DENND4B: variants seen among roughly 807,000 people sequenced by gnomAD.
DENND4B encodes DENN domain-containing protein 4B.
A neutral mutation model predicts 161.0 loss-of-function variants in DENND4B; 67 were observed. The observed-to-expected ratio is 0.42, with a 90% CI of 0.34 to 0.51. The LOEUF (loss-of-function observed/expected upper bound fraction) is 0.51. DENND4B is among the 20% of genes least tolerant of loss of function. The pLI is 0.08. For synonymous variants in DENND4B, 753 were observed against 813.8 expected (o/e 0.93, Z 1.27); for missense variants, 1,481 against 1,968.0 (o/e 0.75, Z 4.68).
chr1:153,935,912 C>T lies in DENND4B; in HGVS notation c.2568+148G>A, dbSNP rs1051329855. The T allele has an allele frequency of 3.7e-5, 37 of 1,001,240 alleles. No individual in the cohort carries two copies. In the African/African-American group the frequency reaches 6.0e-4, roughly 16 times the overall value. 62.0% of individuals were successfully genotyped at this position (1,001,240 alleles called of 1,614,324 possible). On this transcript the variant is annotated intron_variant, in intron 17 of 27. Transcript: ENST00000361217. The stretch of plus-strand genomic sequence containing the variant: ...CTGAGAAACTGTAGGTGCTAAGGCA[C>T]CACAGGAGTGCAATGTGGATGACAG...
At position 153,936,467 on chromosome 1, in the gene DENND4B, T is replaced by C; in HGVS notation, c.2439+75A>G. 2 of 1,437,090 alleles carry C rather than the reference T, an allele frequency of 1.4e-6. No individual in the cohort carries two copies. The highest frequency in any genetic ancestry group is 1.9e-6 in the Non-Finnish European group (2 of 1,077,032). The allele number at this position is 1,437,090 out of a possible 1,614,324, so 89.0% of individuals were successfully genotyped here. A position where few individuals can be genotyped will look rare whatever the true frequency, so the allele number is the denominator to read the frequency against. ...TTCTTTCCTTAGTCTCCACCAAGTTTCCCTCTCACAGCCCTCTCCAGCTGC... is the reference window on the plus strand; with the variant it reads ...TTCTTTCCTTAGTCTCCACCAAGTTCCCCTCTCACAGCCCTCTCCAGCTGC... On this transcript the variant is annotated intron_variant, in intron 16 of 27. Transcript: ENST00000361217. This position sits in a 1 kb window ranked among gnomAD's most constrained non-coding sequence, Gnocchi z 4.1.
At position 153,942,684 on chromosome 1, in the gene DENND4B, C is replaced by T; in HGVS notation, c.571-59G>A. On this transcript the variant is annotated intron_variant, in intron 3 of 27. Coordinates refer to ENST00000361217, the MANE Select transcript of DENND4B (RefSeq NM_014856.3). This position sits in a 1 kb window ranked among gnomAD's most constrained non-coding sequence, Gnocchi z 6.9. The stretch of plus-strand genomic sequence containing the variant: ...ATAGCTAACAAAGGTTTCTGGGGTC[C>T]ACTTTCTCTCTACCACCCCTAAATG... 1 of 1,509,312 alleles carries T rather than the reference C, an allele frequency of 6.6e-7. No individual in the cohort carries two copies. The highest frequency in any genetic ancestry group is 1.3e-5 in the South Asian group (1 of 76,106). 93.5% of individuals were successfully genotyped at this position (1,509,312 alleles called of 1,614,324 possible).
At position 153,932,027 on chromosome 1, in the gene DENND4B, G is replaced by C; in HGVS notation, c.3996+177C>G. The C allele has an allele frequency of 1.7e-6, 1 of 590,668 alleles. No homozygotes were observed. 36.6% of individuals were successfully genotyped at this position (590,668 alleles called of 1,614,324 possible). ...TCTCCCAGTTGGTCAGGCTGGTCTC[G>C]AACTCCTGACCTCAGGTGATTCGCC... On this transcript the variant is annotated intron_variant, in intron 24 of 27. Transcript: ENST00000361217. The surrounding 1 kb of genome is among the most constrained non-coding windows in gnomAD (Gnocchi z 5.8).
Position 153,940,643 on chromosome 1 carries a change from G to T in DENND4B, c.1327-37C>A, listed in dbSNP as rs1386737930. On this transcript the variant is annotated intron_variant, in intron 9 of 27. Coordinates refer to ENST00000361217, the MANE Select transcript of DENND4B (RefSeq NM_014856.3). This position sits in a 1 kb window ranked among gnomAD's most constrained non-coding sequence, Gnocchi z 5.6. ...GGCAGTGAGAACCAGTGAACAGGGG[G>T]TTGAGGCAGCAGTGGGAGGCACAGG... 6.3e-7 allele frequency: 1 copy of T among 1,599,460 alleles called. No homozygotes were observed. Among genetic ancestry groups the T allele is most frequent in the South Asian group, 1.1e-5 (1 of 88,956 alleles).
chr1:153,944,195 T>A lies in DENND4B; in HGVS notation c.180A>T (p.Glu60Asp). 1 of 1,611,652 alleles carries A rather than the reference T, an allele frequency of 6.2e-7. No individual in the cohort carries two copies. The highest frequency in any genetic ancestry group is 8.5e-7 in the Non-Finnish European group (1 of 1,178,870). The change falls in exon 2 of 28, where the codon GAA (glutamate) becomes GAT (aspartate). Residue 60 changes from glutamate (E) to aspartate (D), a missense_variant. By Grantham distance (45) the Glu-to-Asp change is conservative. Coordinates refer to ENST00000361217, the MANE Select transcript of DENND4B (RefSeq NM_014856.3). This position sits in a 1 kb window ranked among gnomAD's most constrained non-coding sequence, Gnocchi z 4.8. ...VAVIARALGE[E>D]VPQGYTCIQA... The stretch of plus-strand genomic sequence containing the variant: ...GGATGCATGTGTAGCCCTGGGGCAC[T>A]TCCTCGCCCAGTGCCCTAGCGATGA...
chr1:153,939,796 C>T lies in DENND4B; in HGVS notation c.1612G>A (p.Gly538Arg). 3 of 1,613,758 alleles carry T rather than the reference C, an allele frequency of 1.9e-6. No individual in the cohort carries two copies. The highest frequency in any genetic ancestry group is 2.5e-6 in the Non-Finnish European group (3 of 1,179,848). The change falls in exon 12 of 28, where the codon GGA becomes AGA. Residue 538 changes from glycine (G) to arginine (R), a missense_variant. By Grantham distance (125) the Gly-to-Arg change is moderately radical (BLOSUM62 -2). Around this residue, in one of 3 missense-constraint regions of DENND4B, gnomAD observed 806 missense variants for 1,134.4 expected, o/e 0.71. Transcript: ENST00000361217. Reference sequence around the variant, plus strand: ...TCCAGGGATGCTTCCTCCTCAGGTCCAGTGTATGCTGGAGGCCAGGGCAGC... The same window carrying T: ...TCCAGGGATGCTTCCTCCTCAGGTCTAGTGTATGCTGGAGGCCAGGGCAGC... ...LYQQLDQTYTGPEEEASLEFL... is the reference protein window; with the variant it reads ...LYQQLDQTYTRPEEEASLEFL...
Position 153,935,988 on chromosome 1 carries a change from G to A in DENND4B, c.2568+72C>T, listed in dbSNP as rs1679310234. The A allele has an allele frequency of 3.8e-6, 6 of 1,577,654 alleles. No individual in the cohort carries two copies. The African/African-American group carries it at 4.0e-5, about 11-fold the overall frequency. ...ACCAGCCCAATCTCCAAGGAGCGAGGGGAGCAGCAGCAGCCTCCCCTCACA... is the reference window on the plus strand; with the variant it reads ...ACCAGCCCAATCTCCAAGGAGCGAGAGGAGCAGCAGCAGCCTCCCCTCACA... On this transcript the variant is annotated intron_variant, in intron 17 of 27. Transcript: ENST00000361217.
In DENND4B at chr1:153,933,396, G is replaced by A; in HGVS notation, c.3331-77C>T. On this transcript the variant is annotated intron_variant, in intron 20 of 27. Coordinates refer to ENST00000361217, the MANE Select transcript of DENND4B (RefSeq NM_014856.3). This position sits in a 1 kb window ranked among gnomAD's most constrained non-coding sequence, Gnocchi z 5.7. ...GGATATGTGTTTCAAGCACCCCTCA[G>A]AGCCCCCTTTTTGAGCATTCTTCCA... 1 of 1,608,100 alleles carries A rather than the reference G, an allele frequency of 6.2e-7. No homozygotes were observed. Among genetic ancestry groups the A allele is most frequent in the Non-Finnish European group, 8.5e-7 (1 of 1,177,180 alleles).
Position 153,942,573 on chromosome 1 carries a change from G to T in DENND4B, c.623C>A (p.Thr208Lys). Reference sequence around the variant, plus strand: ...CCACTCACCTGCCTCGTACACCAGCGTGTTGGCCTTCGCCAGGCCCACCTT... The same window carrying T: ...CCACTCACCTGCCTCGTACACCAGCTTGTTGGCCTTCGCCAGGCCCACCTT... The part of the protein sequence containing the change: ...CYKVGLAKAN[T>K]LVYEAELLGR... The change falls in exon 4 of 28, where the codon ACG becomes AAG. Residue 208 changes from threonine (T) to lysine (K), a missense_variant. Around this residue, in one of 3 missense-constraint regions of DENND4B, gnomAD observed 806 missense variants for 1,134.4 expected, o/e 0.71. Transcript: ENST00000361217. This position sits in a 1 kb window ranked among gnomAD's most constrained non-coding sequence, Gnocchi z 6.9. The T allele has an allele frequency of 6.3e-7, 1 of 1,598,242 alleles. No individual in the cohort carries two copies.
At chr1:153,941,775 G>GGCGGGC in intron 6 of DENND4B, 94 bp downstream of exon 6, 2 of 1,338,172 alleles carry the variant, frequency 1.5e-6, no homozygotes, top group Non-Finnish European at 2.1e-6. Flanking sequence ...CCTGTGCCCA[G>GGCGGGC]CCCTCCCCCC....
intron 8 of DENND4B, 31 bp downstream of exon 8, chr1:153,941,200 A>G: frequency 6.2e-7 from 1 of 1,612,442 alleles, no homozygotes; most frequent in Middle Eastern, 1.7e-4. Context: ...TTGGTCATTA[A>G]AGCTCCCCTC....
At chr1:153,941,099 C>T (rs1679638937) in intron 8 of DENND4B, 51 bp from the exon 9 acceptor site, 3 of 1,557,824 alleles carry the variant, frequency 1.9e-6, no homozygotes, top group Non-Finnish European at 1.7e-6. Context: ...CCCTGGGGAC[C>T]CTTCCCCAGA....
At position 153,933,841 on chromosome 1, in the gene DENND4B, C is replaced by T. The variant is rs778362976; in HGVS notation, c.2972G>A (p.Arg991Gln). ...MIEALGVLEP[R>Q]GSPVPWHDGS... ...ATCGTGCCAGGGCACAGGTGATCCCCGGGGTTCCAGGACCCCCAAGGCCTC... is the reference window on the plus strand; with the variant it reads ...ATCGTGCCAGGGCACAGGTGATCCCTGGGGTTCCAGGACCCCCAAGGCCTC... Residue 991 changes from arginine to glutamine, a missense_variant, in exon 20 of 28, where the codon CGG becomes CAG. Arg to Gln is a conservative substitution (Grantham distance 43). Around this residue, in one of 3 missense-constraint regions of DENND4B, gnomAD observed 339 missense variants for 330.3 expected, o/e 1.03. Transcript: ENST00000361217. The surrounding 1 kb of genome is among the most constrained non-coding windows in gnomAD (Gnocchi z 5.7). 33 of 1,613,170 alleles carry T rather than the reference C, an allele frequency of 2.0e-5. No homozygotes were observed. The highest frequency in any genetic ancestry group is 4.5e-5 in the East Asian group (2 of 44,878).
Position 153,939,705 on chromosome 1 carries a change from C to T in DENND4B, c.1703G>A (p.Gly568Glu), listed in dbSNP as rs1484854473. ...RRARLEREVQ[G>E]AFLRFMACLL... ...ACAGGCCATGAAGCGGAGGAAGGCT[C>T]CTTGGACTTCGCGCTCCAGCCGGGC... Residue 568 changes from glycine to glutamate, a missense_variant, in exon 12 of 28, where the codon GGA becomes GAA. By Grantham distance (98) the Gly-to-Glu change is moderately conservative. This residue lies in a region of DENND4B where 806 missense variants were observed against 1,134.4 expected (regional missense o/e 0.71). Transcript: ENST00000361217. 2.5e-6 allele frequency: 4 copies of T among 1,613,838 alleles called. No individual in the cohort carries two copies. The highest frequency in any genetic ancestry group is 3.4e-6 in the Non-Finnish European group (4 of 1,179,900).
At position 153,936,306 on chromosome 1, in the gene DENND4B, T is replaced by C; in HGVS notation, c.2440-118A>G. On this transcript the variant is annotated intron_variant, in intron 16 of 27. Transcript: ENST00000361217. This position sits in a 1 kb window ranked among gnomAD's most constrained non-coding sequence, Gnocchi z 4.1. The stretch of plus-strand genomic sequence containing the variant: ...ACAGACATCACTGGCCCCTGGCAGG[T>C]CCTGGGGCTACCTCAGAGCCACCCA... 7.0e-7 allele frequency: 1 copy of C among 1,426,614 alleles called. No homozygotes were observed. 88.4% of individuals were successfully genotyped at this position (1,426,614 alleles called of 1,614,324 possible). A position where few individuals can be genotyped will look rare whatever the true frequency, so the allele number is the denominator to read the frequency against.
rs199756721 is a variant in DENND4B at position 153,941,273 on chromosome 1, T to C, written c.1139A>G (p.Asn380Ser). The C allele has an allele frequency of 1.9e-5, 31 of 1,613,882 alleles. No individual in the cohort carries two copies. The highest frequency in any genetic ancestry group is 1.2e-4 in the African/African-American group (9 of 75,008). The change falls in exon 8 of 28, where the codon AAC (asparagine) becomes AGC (serine). Residue 380 changes from asparagine to serine, a missense_variant. Physicochemically the swap from Asn to Ser is conservative, Grantham distance 46. Transcript: ENST00000361217. ...RILVQMSPYD[N>S]LLLCQPVSSP... ...GGATACAGGCTGACAGAGGAGCAAG[T>C]TGTCATAGGGAGACATCTGGAAGGG...
rs374686600 is a variant in DENND4B, at chr1:153,940,394, C to G, written c.1502+37G>C. 6.2e-7 allele frequency: 1 copy of G among 1,601,266 alleles called. No homozygotes were observed. Among genetic ancestry groups the G allele is most frequent in the Non-Finnish European group, 8.5e-7 (1 of 1,173,414 alleles). ...CCACACACTAGCCCATTCCTGCCCA[C>G]CACCCTGCAGCCCCCAAATGAGACC... On this transcript the variant is annotated intron_variant, in intron 10 of 27. Coordinates refer to ENST00000361217, the MANE Select transcript of DENND4B (RefSeq NM_014856.3). The surrounding 1 kb of genome is among the most constrained non-coding windows in gnomAD (Gnocchi z 5.6).
In DENND4B at chr1:153,940,370, C is replaced by A; in HGVS notation, c.1502+61G>T. ...AGCTCTTTTTGAGCCCGTAGCACTC[C>A]ACACACTAGCCCATTCCTGCCCACC... On this transcript the variant is annotated intron_variant, in intron 10 of 27. Transcript: ENST00000361217. This position sits in a 1 kb window ranked among gnomAD's most constrained non-coding sequence, Gnocchi z 5.6. 1 of 1,585,956 alleles carries A rather than the reference C, an allele frequency of 6.3e-7. No individual in the cohort carries two copies.
In DENND4B at chr1:153,934,049, ACT is replaced by A; in HGVS notation, c.2941+84_2941+85del. 1.4e-6 allele frequency: 2 copies of A among 1,462,186 alleles called. No individual in the cohort carries two copies. Among genetic ancestry groups the A allele is most frequent in the Non-Finnish European group, 9.0e-7 (1 of 1,105,342 alleles). The allele number at this position is 1,462,186 out of a possible 1,614,324, so 90.6% of individuals were successfully genotyped here. On this transcript the variant is annotated intron_variant, in intron 19 of 27. Transcript: ENST00000361217. The surrounding 1 kb of genome is among the most constrained non-coding windows in gnomAD (Gnocchi z 5.3). ...CACCCACCACAGAGGGCCGCCCTCC[ACT>A]CTGTTTCTGGTCTTCCCCACCTCAC...
Sources: gnomAD v4.1 joint callset for allele counts on GRCh38, gnomAD v4.1.1 for gene constraint, gnomAD v4.1.1 regional missense constraint, Gnocchi (gnomAD v3.1) non-coding constraint, MANE v1.5 for transcripts, NCBI Gene and HGNC (gene_info 2026-07-23, HGNC 2026-07-21) for gene names.